TCTN3: variants seen among roughly 807,000 people sequenced by gnomAD.
The protein encoded by TCTN3 is tectonic-3.
TCTN3 carries 57 observed loss-of-function variants against 71.3 expected under a neutral mutation model. That is an observed-to-expected ratio of 0.80 (90% CI 0.65 to 1.00). The LOEUF is 1.00. TCTN3 is among the 50% of genes least tolerant of loss of function. TCTN3 has a pLI of 0.00. For missense variants in TCTN3, 696 were observed against 719.9 expected (o/e 0.97, Z 0.38); for synonymous variants, 258 against 267.8 (o/e 0.96, Z 0.36).
rs142290225 is a variant in TCTN3 at position 95,676,237 on chromosome 10, A to G, written c.1590+4235T>C. ...AAAATACAAAAACAAACCAGAATAA[A>G]CCAGAATAGAAAATATCTTTTTTTT... is the stretch of plus-strand genomic sequence containing the variant. On this transcript the variant is annotated intron_variant, in intron 13 of 13. Transcript: ENST00000371217. Among the ~76,000 whole-genome samples the G allele has an allele frequency of 1.6e-3, 244 of 151,682 alleles. 3 individuals carry two copies. In the East Asian group the frequency reaches 0.039, roughly 25 times the overall value.
At chr10:95,685,741 CA>C (rs1589616856) in intron 7 of TCTN3, 105 bp from the exon 8 acceptor site, 1 of 811,864 alleles carries the variant, frequency 1.2e-6, no homozygotes, top group Non-Finnish European at 1.9e-6. Context: ...TCCCCTTGAC[CA>C]CCCTCTCTCT....
chr10:95,691,969 T>C (rs1589622051), intron 3 of TCTN3, among the ~76,000 whole-genome samples: 1 of 152,246 alleles, frequency 6.6e-6, no homozygotes, highest in Non-Finnish European at 1.5e-5. Flanking sequence ...ATGCTCCTCC[T>C]ACACTGTTGC....
rs541135431 is a variant in TCTN3, at chr10:95,687,355, C to A, written c.628G>T (p.Ala210Ser). Residue 210 changes from alanine (A) to serine (S), a missense_variant and splice_region_variant, in exon 5 of 14, where the codon GCT becomes TCT. Transcript: ENST00000371217. ...QTQSPPSFYR[A>S]GDPILTYFPK... ...AAGTAAGTAAGAATGGGGTCCCCAG[C>A]CTGAATAAAATATAAAAGAAACTTT... 5.6e-6 allele frequency: 9 copies of A among 1,602,250 alleles called. No homozygotes were observed. The East Asian group carries it at 1.8e-4, about 32-fold the overall frequency.
rs1442550488 is a variant in TCTN3, at chr10:95,686,925, A to C, written c.852+119T>G. 1.2e-5 allele frequency: 10 copies of C among 818,818 alleles called. 1 individual carries two copies. Among genetic ancestry groups the C allele is most frequent in the Non-Finnish European group, 1.9e-5 (10 of 514,048 alleles). The allele number at this position is 818,818 out of a possible 1,614,324, so 50.7% of individuals were successfully genotyped here. On this transcript the variant is annotated intron_variant, in intron 6 of 13. Transcript: ENST00000371217. Reference sequence around the variant, plus strand: ...GTGGTTTCCAGGCCCTCTGTCTTTTACGTGGCTCCTGGGGATTCTGACTTT... The same window carrying C: ...GTGGTTTCCAGGCCCTCTGTCTTTTCCGTGGCTCCTGGGGATTCTGACTTT...
intron 13 of TCTN3, among the ~76,000 whole-genome samples, chr10:95,667,227 C>A (rs1423091518): frequency 2.0e-5 from 3 of 152,040 alleles, no homozygotes; most frequent in African/African-American, 7.2e-5. Context: ...AATATGTGCT[C>A]ATTAAGAGCT....
At chr10:95,675,283 GGGTTTTGCC>G (rs2097935859) in intron 13 of TCTN3, among the ~76,000 whole-genome samples, 1 of 152,062 alleles carries the variant, frequency 6.6e-6, no homozygotes, top group African/African-American at 2.4e-5. Context: ...AATAGAGACA[GGGTTTTGCC>G]GTTTTGGCCA....
intron 13 of TCTN3, among the ~76,000 whole-genome samples, chr10:95,673,366 C>T (rs551859860): frequency 6.6e-6 from 1 of 152,010 alleles, no homozygotes; most frequent in African/African-American, 2.4e-5. Flanking sequence ...GACTGAGATA[C>T]AAGTTAGAGT....
intron 13 of TCTN3, among the ~76,000 whole-genome samples, chr10:95,679,662 G>A (rs1417626318): frequency 2.8e-5 from 4 of 144,900 alleles, no homozygotes; most frequent in African/African-American, 1.0e-4. Flanking sequence ...CGGGATCTCG[G>A]CTCACTGCAA....
intron 13 of TCTN3, among the ~76,000 whole-genome samples, chr10:95,671,138 A>G (rs1417541046): frequency 1.3e-5 from 2 of 152,238 alleles, no homozygotes; most frequent in Non-Finnish European, 2.9e-5. Flanking sequence ...CAGGAAGAGC[A>G]CTGGGGAAAA....
At chr10:95,678,184 T>TGTACTATTTTAAAAAAG (rs1194814990) in intron 13 of TCTN3, among the ~76,000 whole-genome samples, 3 of 152,160 alleles carry the variant, frequency 2.0e-5, no homozygotes, top group Admixed American at 2.0e-4. Context: ...TTTAAAAGCT[T>TGTACTATTTTAAAAAAG]TGGAAGATGT....
chr10:95,676,569 A>G (rs925816529), intron 13 of TCTN3, among the ~76,000 whole-genome samples: 1 of 152,166 alleles, frequency 6.6e-6, no homozygotes, highest in African/African-American at 2.4e-5. Flanking sequence ...TGGGTATAGT[A>G]AGGGCATTGT....
chr10:95,684,900 G>C (rs955682972), intron 8 of TCTN3, among the ~76,000 whole-genome samples: 1 of 152,228 alleles, frequency 6.6e-6, no homozygotes, highest in South Asian at 2.1e-4. Context: ...AGTTGATTAC[G>C]GACAGAGGAG....
chr10:95,666,815 C>A (rs1214063177), intron 13 of TCTN3, among the ~76,000 whole-genome samples: 1 of 152,156 alleles, frequency 6.6e-6, no homozygotes, highest in Non-Finnish European at 1.5e-5. Context: ...AGGAGAATTC[C>A]CAAAGGAGCT....
Position 95,663,869 on chromosome 10 carries a change from CAG to C in TCTN3, c.*196_*197del. The stretch of plus-strand genomic sequence containing the variant: ...ATCTGGTGGCCTGCAGAGCCCAAAG[CAG>C]AGAGCTATGATGAATAAAATATTTT... On this transcript the variant is annotated 3_prime_UTR_variant, in exon 14 of 14. Transcript: ENST00000371217. 1 of 534,922 alleles carries C rather than the reference CAG, an allele frequency of 1.9e-6. No individual in the cohort carries two copies. The highest frequency in any genetic ancestry group is 3.3e-6 in the Non-Finnish European group (1 of 300,148). The allele number at this position is 534,922 out of a possible 1,614,324, so 33.1% of individuals were successfully genotyped here.
At position 95,683,646 on chromosome 10, in the gene TCTN3, G is replaced by A. The variant is rs1589615067; in HGVS notation, c.1096-17C>T. 1 of 1,553,334 alleles carries A rather than the reference G, an allele frequency of 6.4e-7. No individual in the cohort carries two copies. Among genetic ancestry groups the A allele is most frequent in the African/African-American group, 1.4e-5 (1 of 73,452 alleles). On this transcript the variant is annotated splice_polypyrimidine_tract_variant and intron_variant, in intron 9 of 13. Coordinates refer to ENST00000371217, the MANE Select transcript of TCTN3 (RefSeq NM_015631.6). The stretch of plus-strand genomic sequence containing the variant: ...TTGAAAAGCCTGCAGAAAGAGGGAA[G>A]AGAAGTCAATTATGGAGATAAGCAT...
At chr10:95,673,339 T>C (rs1170175631) in intron 13 of TCTN3, among the ~76,000 whole-genome samples, 1 of 152,198 alleles carries the variant, frequency 6.6e-6, no homozygotes, top group Non-Finnish European at 1.5e-5. Context: ...GATCCAGACA[T>C]AAGTACTCTA....
chr10:95,678,295 G>A (rs961661665), intron 13 of TCTN3, among the ~76,000 whole-genome samples: 8 of 152,148 alleles, frequency 5.3e-5, no homozygotes. Flanking sequence ...ACTTTGGGAG[G>A]TTGAGGCGGG....
chr10:95,680,561 G>C lies in TCTN3; in HGVS notation c.1501C>G (p.Gln501Glu). Reference protein sequence around the residue: ...CCLIPVSLEIQVLWAYVGLLS... With the variant: ...CCLIPVSLEIEVLWAYVGLLS... Reference sequence around the variant, plus strand: ...AGACCTACATATGCCCACAATACCTGGATCTCCAGGGAAACTGGTATGAGA... The same window carrying C: ...AGACCTACATATGCCCACAATACCTCGATCTCCAGGGAAACTGGTATGAGA... The change falls in exon 13 of 14, where the codon CAG (glutamine) becomes GAG (glutamate). Residue 501 changes from glutamine to glutamate, a missense_variant. By Grantham distance (29) the Gln-to-Glu change is conservative. Transcript: ENST00000371217. The C allele has an allele frequency of 6.2e-7, 1 of 1,613,960 alleles. No homozygotes were observed. The highest frequency in any genetic ancestry group is 2.2e-5 in the East Asian group (1 of 44,884).
At chr10:95,677,474 G>GTTT (rs10654251) in intron 13 of TCTN3, among the ~76,000 whole-genome samples, 3,432 of 79,528 alleles carry the variant, frequency 0.043, 413 homozygotes, top group East Asian at 0.084. Flanking sequence ...GAAGTCTACA[G>GTTT]TTTTTTTTGT....
Sources: allele counts gnomAD v4.1 joint callset (sites outside exome capture counted in the v4.1 genomes callset), GRCh38; gene constraint gnomAD v4.1.1; transcripts MANE v1.5; gene names NCBI Gene and HGNC (gene_info 2026-07-23, HGNC 2026-07-21).